The following DHX35 variants were observed in gnomAD, a reference collection of about 807,000 sequenced individuals.
DHX35 encodes probable ATP-dependent RNA helicase DHX35.
In DHX35, 84 loss-of-function variants were observed where a neutral mutation model predicts 99.6. The observed-to-expected ratio is 0.84, with a 90% confidence interval of 0.71 to 1.01. DHX35 has a LOEUF of 1.01. Ranked by LOEUF, DHX35 falls within the 50% of genes least tolerant of loss-of-function variation. DHX35 has a pLI of 0.00. For synonymous variants in DHX35, 331 were observed against 316.2 expected, an observed-to-expected ratio of 1.05 and a Z score of -0.50; for missense variants, 852 against 888.5, an observed-to-expected ratio of 0.96 and a Z score of 0.52.
At chr20:39,004,608 A>G (rs1162784467) in intron 11 of DHX35, among the ~76,000 whole-genome samples, 1 of 152,200 alleles carries the variant, frequency 6.6e-6, no homozygotes, top group East Asian at 1.9e-4. Flanking sequence ...CCAAGTTTAA[A>G]TCAATTAATT....
chr20:38,976,087 G>T (rs2086071247), intron 3 of DHX35, among the ~76,000 whole-genome samples: 1 of 152,168 alleles, frequency 6.6e-6, no homozygotes. Context: ...AAGAGCAGAG[G>T]CTGAGGATCT....
intron 1 of DHX35, 88 bp downstream of exon 1, chr20:38,962,495 G>A: frequency 6.6e-7 from 1 of 1,517,946 alleles, no homozygotes; most frequent in Non-Finnish European, 8.9e-7. Context: ...CAGCAGACCT[G>A]CTCGCAGGCC....
At chr20:39,033,058 T>C (rs766731174) in intron 20 of DHX35, among the ~76,000 whole-genome samples, 7 of 151,738 alleles carry the variant, frequency 4.6e-5, no homozygotes, top group Admixed American at 2.0e-4. Flanking sequence ...CTGGGTGCCA[T>C]AGCCAGACCT....
At chr20:38,985,119 A>G (rs1419880217) in intron 4 of DHX35, among the ~76,000 whole-genome samples, 1 of 152,108 alleles carries the variant, frequency 6.6e-6, no homozygotes, top group Non-Finnish European at 1.5e-5. Flanking sequence ...GTGGTGGCTA[A>G]TGCCTGTATT....
At chr20:38,963,194 A>G (rs1254422983) in intron 1 of DHX35, among the ~76,000 whole-genome samples, 1 of 152,248 alleles carries the variant, frequency 6.6e-6, no homozygotes, top group Non-Finnish European at 1.5e-5. Context: ...GCCAGACCGT[A>G]CTAGATGCAT....
rs937632351 is a variant in DHX35 at position 39,031,831 on chromosome 20, A to G, written c.1955+1056A>G. Among the ~76,000 whole-genome samples the G allele has an allele frequency of 3.9e-4, 60 of 152,212 alleles. 1 individual carries two copies. The highest frequency in any genetic ancestry group is 1.4e-3 in the African/African-American group (59 of 41,458). On this transcript the variant is annotated intron_variant, in intron 20 of 21. Transcript: ENST00000252011. ...TTCAGTCAGAAAGGACCCGGAGGGTATTCTAGGTAGAGAAGTAGCAGGGGC... is the reference window on the plus strand; with the variant it reads ...TTCAGTCAGAAAGGACCCGGAGGGTGTTCTAGGTAGAGAAGTAGCAGGGGC...
chr20:38,992,273 T>C (rs2086351206), intron 6 of DHX35, 83 bp from the exon 7 acceptor site: 3 of 1,153,856 alleles, frequency 2.6e-6, no homozygotes, highest in Non-Finnish European at 3.9e-6. Context: ...GAGGACTAAA[T>C]ACCCAGAAGC....
intron 7 of DHX35, among the ~76,000 whole-genome samples, chr20:38,993,439 A>G (rs186295663): frequency 3.3e-5 from 5 of 152,144 alleles, no homozygotes; most frequent in Non-Finnish European, 5.9e-5. Context: ...GGCTCACCGC[A>G]ACCTCTGCCT....
intron 4 of DHX35, 72 bp from the exon 5 acceptor site, chr20:38,988,741 G>C: frequency 1.3e-6 from 2 of 1,587,236 alleles, no homozygotes; most frequent in Non-Finnish European, 1.7e-6. Flanking sequence ...ATGACCTTTA[G>C]ATTTTCCATA....
chr20:38,989,848 C>T (rs951541095), intron 5 of DHX35, among the ~76,000 whole-genome samples: 10 of 152,164 alleles, frequency 6.6e-5, no homozygotes, highest in East Asian at 3.9e-4. Flanking sequence ...TACCTACCAC[C>T]GTGCTAGAAT....
rs200374952 is a variant in DHX35 at position 39,023,694 on chromosome 20, G to A, written c.1598G>A (p.Arg533Gln). 9.9e-6 allele frequency: 16 copies of A among 1,613,844 alleles called. 1 individual carries two copies. The highest frequency in any genetic ancestry group is 3.3e-5 in the South Asian group (3 of 91,066). Residue 533 changes from arginine to glutamine, a missense_variant, in exon 17 of 22, where the codon CGA becomes CAA. Physicochemically the swap from Arg to Gln is conservative, Grantham distance 43 (BLOSUM62 1). Coordinates refer to ENST00000252011, the MANE Select transcript of DHX35 (RefSeq NM_021931.4). ...VPPNQKSHAIRVHRKFAVEEG... is the reference protein window; with the variant it reads ...VPPNQKSHAIQVHRKFAVEEG... Reference sequence around the variant, plus strand: ...ATGTTGCTTCATTCTTTCCAGATTCGAGTGCACCGTAAATTTGCTGTGGAG... The same window carrying A: ...ATGTTGCTTCATTCTTTCCAGATTCAAGTGCACCGTAAATTTGCTGTGGAG...
Position 39,030,892 on chromosome 20 carries a change from G to GT in DHX35, c.1955+118dup, listed in dbSNP as rs1377115391. 8.8e-6 allele frequency: 10 copies of GT among 1,142,824 alleles called. No individual in the cohort carries two copies. The African/African-American group carries it at 1.2e-4, about 14-fold the overall frequency. The allele number at this position is 1,142,824 out of a possible 1,614,324, so 70.8% of individuals were successfully genotyped here. On this transcript the variant is annotated intron_variant, in intron 20 of 21. Coordinates refer to ENST00000252011, the MANE Select transcript of DHX35 (RefSeq NM_021931.4). ...GAATTGCTGCTCTGGGCCGGGCGTG[G>GT]TGGCTCACGCCTGTAATCCCAGCAC...
chr20:38,969,457 T>C (rs1463315324), intron 2 of DHX35, among the ~76,000 whole-genome samples: 9 of 152,256 alleles, frequency 5.9e-5, no homozygotes, highest in Non-Finnish European at 1.3e-4. Context: ...AGAATGACTT[T>C]TGTTTTCCCC....
intron 3 of DHX35, among the ~76,000 whole-genome samples, chr20:38,978,906 G>A (rs1365410956): frequency 2.0e-5 from 3 of 152,042 alleles, no homozygotes; most frequent in South Asian, 2.1e-4. Context: ...ATTTTTCTGC[G>A]TGTGATTATC....
chr20:39,035,959 G>T (rs1317476073), intron 21 of DHX35, among the ~76,000 whole-genome samples: 1 of 152,228 alleles, frequency 6.6e-6, no homozygotes, highest in African/African-American at 2.4e-5. Flanking sequence ...TAAAAATGCA[G>T]TGTGTGTTGT....
At chr20:38,986,188 A>ATT (rs56980978) in intron 4 of DHX35, among the ~76,000 whole-genome samples, 1,886 of 143,396 alleles carry the variant, frequency 0.013, 27 homozygotes, top group Middle Eastern at 0.025. Flanking sequence ...GTGCTCAGTG[A>ATT]TTTTTTTTTT....
chr20:38,967,934 C>T (rs2085933507), intron 1 of DHX35, among the ~76,000 whole-genome samples: 2 of 152,116 alleles, frequency 1.3e-5, no homozygotes, highest in South Asian at 2.1e-4. Context: ...AGAGCCTCCC[C>T]CACCCCCCAT....
intron 7 of DHX35, among the ~76,000 whole-genome samples, chr20:38,993,674 A>G (rs1221454716): frequency 2.3e-5 from 3 of 132,500 alleles, no homozygotes; most frequent in Non-Finnish European, 4.8e-5. Context: ...CACATTGGCT[A>G]TTTTTCTTTT....
At chr20:39,035,335 G>A (rs936810806) in intron 21 of DHX35, among the ~76,000 whole-genome samples, 7 of 151,750 alleles carry the variant, frequency 4.6e-5, no homozygotes, top group African/African-American at 1.2e-4. Context: ...GTCTCCCAAA[G>A]TGTTGGGATT....
Sources: allele counts gnomAD v4.1 joint callset (sites outside exome capture counted in the v4.1 genomes callset), GRCh38; gene constraint gnomAD v4.1.1; transcripts MANE v1.5; gene names NCBI Gene and HGNC (gene_info 2026-07-23, HGNC 2026-07-21).